PCDHA11: variants seen among roughly 807,000 people sequenced by gnomAD.
PCDHA11 encodes the protein protocadherin alpha-11.
Under a neutral mutation model 70.3 loss-of-function variants are expected in PCDHA11, and 61 were observed. That is an observed-to-expected ratio of 0.87 (90% CI 0.71 to 1.07). The LOEUF (loss-of-function observed/expected upper bound fraction) is 1.07. PCDHA11 is among the 50% of genes least tolerant of loss of function. The pLI, the probability that PCDHA11 is intolerant of heterozygous loss-of-function variation, is 0.00. For synonymous variants in PCDHA11, 633 were observed against 555.1 expected, an observed-to-expected ratio of 1.14 and a Z score of -1.97; for missense variants, 1,324 against 1,237.5, an observed-to-expected ratio of 1.07 and a Z score of -1.05.
chr5:140,953,101 T>C (rs1297450101), intron 1 of PCDHA11, among the ~76,000 whole-genome samples: 1 of 152,130 alleles, frequency 6.6e-6, no homozygotes, highest in Non-Finnish European at 1.5e-5. Context: ...TGACATGAGA[T>C]TTGGGCAGGG....
chr5:140,915,838 A>AG (rs1359061531), intron 1 of PCDHA11, among the ~76,000 whole-genome samples: 1 of 152,154 alleles, frequency 6.6e-6, no homozygotes, highest in Admixed American at 6.5e-5. Flanking sequence ...TAAGATCAGC[A>AG]GGGGGTGACA....
intron 1 of PCDHA11, among the ~76,000 whole-genome samples, chr5:140,933,464 A>G (rs1257783133): frequency 1.3e-5 from 2 of 152,074 alleles, no homozygotes; most frequent in African/African-American, 4.8e-5. Flanking sequence ...TATACTCTGA[A>G]TTCAAACACA....
At chr5:140,990,341 C>A (rs2097389083) in intron 3 of PCDHA11, among the ~76,000 whole-genome samples, 1 of 152,110 alleles carries the variant, frequency 6.6e-6, no homozygotes, top group South Asian at 2.1e-4. Flanking sequence ...ATAAGTAAAG[C>A]CTGCCCTGTA....
intron 2 of PCDHA11, among the ~76,000 whole-genome samples, chr5:140,979,303 C>A (rs1048294748): frequency 6.6e-6 from 1 of 152,148 alleles, no homozygotes; most frequent in Non-Finnish European, 1.5e-5. Context: ...CTCCTTCATC[C>A]CTCTCTACCT....
chr5:141,011,626 C>T lies in PCDHA11; in HGVS notation c.*1689C>T, dbSNP rs1340546254. 6.5e-6 allele frequency: 1 copy of T among 153,668 alleles called. No individual in the cohort carries two copies. Among genetic ancestry groups the T allele is most frequent in the Non-Finnish European group, 1.5e-5 (1 of 68,026 alleles). The allele number at this position is 153,668 out of a possible 1,614,324, so 9.5% of individuals were successfully genotyped here. On this transcript the variant is annotated 3_prime_UTR_variant, in exon 4 of 4. Transcript: ENST00000398640. Reference sequence around the variant, plus strand: ...ATTTTATTTATGGTCCAGCCAAGAGCCATCTCGTGCCAAGACTTCTGCTGG... The same window carrying T: ...ATTTTATTTATGGTCCAGCCAAGAGTCATCTCGTGCCAAGACTTCTGCTGG...
rs546576795 is a variant in PCDHA11 at position 140,869,964 on chromosome 5, T to A, written c.861T>A (p.Asn287Lys). 1 of 1,613,046 alleles carries A rather than the reference T, an allele frequency of 6.2e-7. No individual in the cohort carries two copies. Among genetic ancestry groups the A allele is most frequent in the African/African-American group, 1.3e-5 (1 of 74,984 alleles). The stretch of plus-strand genomic sequence containing the variant: ...ACTCCTTAATGTCAATTAAGCCCAA[T>A]GGAAGACACTTATTTACACTAGATC... ...VTYSLMSIKP[N>K]GRHLFTLDQN... is the part of the protein sequence containing the mutation. Residue 287 changes from asparagine to lysine, a missense_variant, in exon 1 of 4, where the codon AAT becomes AAA. Coordinates refer to ENST00000398640, the MANE Select transcript of PCDHA11 (RefSeq NM_018902.5).
chr5:140,952,923 C>CAGGA (rs1455819119), intron 1 of PCDHA11, among the ~76,000 whole-genome samples: 1 of 151,990 alleles, frequency 6.6e-6, no homozygotes, highest in Non-Finnish European at 1.5e-5. Flanking sequence ...ATGGCATGAG[C>CAGGA]AGGAGCAGGA....
intron 1 of PCDHA11, among the ~76,000 whole-genome samples, chr5:140,936,259 T>A (rs1327533719): frequency 6.6e-6 from 1 of 152,228 alleles, no homozygotes; most frequent in African/African-American, 2.4e-5. Context: ...CTTCAAGTCA[T>A]GAAGATATAT....
In PCDHA11 at chr5:140,928,350, T is replaced by C. The variant is rs144619371; in HGVS notation, c.2392-50599T>C. The C allele has an allele frequency of 1.3e-5, 21 of 1,614,098 alleles. No homozygotes were observed. The African/African-American group carries it at 2.1e-4, about 16-fold the overall frequency. On this transcript the variant is annotated intron_variant, in intron 1 of 3. Coordinates refer to ENST00000398640, the MANE Select transcript of PCDHA11 (RefSeq NM_018902.5). ...GCCTTGTCTCTTATGAGCTGTTGGA[T>C]GTTATCTCTGAAGGGCCATCAGCCT...
chr5:140,874,485 T>C (rs1235889322), intron 1 of PCDHA11, among the ~76,000 whole-genome samples: 1 of 152,218 alleles, frequency 6.6e-6, no homozygotes, highest in Non-Finnish European at 1.5e-5. Flanking sequence ...AAGCAAAAGG[T>C]TGATATCAAG....
chr5:141,010,327 G>A lies in PCDHA11; in HGVS notation c.*390G>A. 2 of 1,539,744 alleles carry A rather than the reference G, an allele frequency of 1.3e-6. No individual in the cohort carries two copies. Among genetic ancestry groups the A allele is most frequent in the African/African-American group, 2.8e-5 (2 of 72,602 alleles). ...AAAGTTTTGAGATTGAGCAGCTTGG[G>A]AGTTTGTGGCCACTGGGTATGTGTG... On this transcript the variant is annotated 3_prime_UTR_variant, in exon 4 of 4. Transcript: ENST00000398640.
chr5:140,912,426 G>T (rs1349647535), intron 1 of PCDHA11, among the ~76,000 whole-genome samples: 1 of 151,784 alleles, frequency 6.6e-6, no homozygotes, highest in Non-Finnish European at 1.5e-5. Flanking sequence ...GTGTATAGCA[G>T]TGTTGCTGAT....
intron 1 of PCDHA11, among the ~76,000 whole-genome samples, chr5:140,920,362 T>C (rs1167382464): frequency 6.6e-6 from 1 of 152,238 alleles, no homozygotes; most frequent in African/African-American, 2.4e-5. Context: ...GTTCTATTCA[T>C]TTATTCTTGT....
At chr5:140,938,849 T>C (rs961236945) in intron 1 of PCDHA11, among the ~76,000 whole-genome samples, 1 of 152,102 alleles carries the variant, frequency 6.6e-6, no homozygotes, top group Admixed American at 6.6e-5. Flanking sequence ...CCTGCCCATG[T>C]ACCCCTGAAC....
chr5:140,873,929 G>C (rs1457405512), intron 1 of PCDHA11, among the ~76,000 whole-genome samples: 3 of 152,138 alleles, frequency 2.0e-5, no homozygotes, highest in African/African-American at 7.2e-5. Flanking sequence ...CCAAAGTGCT[G>C]GGATTACAGG....
rs920860677 is a variant in PCDHA11, at chr5:140,985,387, C to T, written c.2539+2824C>T. Among the ~76,000 whole-genome samples the T allele has an allele frequency of 3.0e-4, 45 of 152,272 alleles. 1 individual carries two copies. Among genetic ancestry groups the T allele is most frequent in the African/African-American group, 9.9e-4 (41 of 41,542 alleles). On this transcript the variant is annotated intron_variant, in intron 3 of 3. Transcript: ENST00000398640. ...GTTATCTGGGTCTATATAATCCAGTCACCCCAACTGTTCCCCTGGAAATGG... is the reference window on the plus strand; with the variant it reads ...GTTATCTGGGTCTATATAATCCAGTTACCCCAACTGTTCCCCTGGAAATGG...
chr5:140,941,211 CTTCCTTTCTTTCTTTCTTTCTTT>C (rs2092859339), intron 1 of PCDHA11, among the ~76,000 whole-genome samples: 20 of 129,726 alleles, frequency 1.5e-4, no homozygotes, highest in Admixed American at 7.8e-4. Flanking sequence ...TCCTTTCTTT[CTTCCTTTCTTTCTTTCTTTCTTT>C]CTTTCTTTCT....
In PCDHA11 at chr5:140,936,771, C is replaced by A. The variant is rs182480245; in HGVS notation, c.2392-42178C>A. Among the ~76,000 whole-genome samples, 20 of 152,230 alleles carry A rather than the reference C, an allele frequency of 1.3e-4. No individual in the cohort carries two copies. In the East Asian group the frequency reaches 3.5e-3, roughly 26 times the overall value. On this transcript the variant is annotated intron_variant, in intron 1 of 3. Coordinates refer to ENST00000398640, the MANE Select transcript of PCDHA11 (RefSeq NM_018902.5). ...GTATTGATATCTAATTGTGTAAGTT[C>A]TCTCACTTTGTTATTCTGCTTCAAG...
chr5:140,981,861 A>G (rs1554243465), intron 2 of PCDHA11, among the ~76,000 whole-genome samples: 1 of 152,126 alleles, frequency 6.6e-6, no homozygotes, highest in Non-Finnish European at 1.5e-5. Context: ...ACTCCCAGCA[A>G]TGTTTTATGC....
Sources: gnomAD v4.1 joint callset for allele counts (sites outside exome capture counted in the v4.1 genomes callset) on GRCh38, gnomAD v4.1.1 for gene constraint, MANE v1.5 for transcripts, NCBI Gene and HGNC (gene_info 2026-07-23, HGNC 2026-07-21) for gene names.